CD99L2: variants seen among roughly 807,000 people sequenced by gnomAD.
CD99L2 encodes CD99 antigen-like protein 2.
A neutral mutation model predicts 27.3 loss-of-function variants in CD99L2; 24 were observed. That is an observed-to-expected ratio of 0.88 (90% confidence interval 0.64 to 1.24). The LOEUF (loss-of-function observed/expected upper bound fraction) is 1.24. Ranked by LOEUF, CD99L2 falls within the 50% of genes most tolerant of loss-of-function variation. CD99L2 has a pLI of 0.00. For missense variants in CD99L2, 255 were observed against 221.6 expected (o/e 1.15, Z -0.96); for synonymous variants, 97 against 87.9 (o/e 1.10, Z -0.58).
intron 1 of CD99L2, among the ~76,000 whole-genome samples, chrX:150,871,599 T>G (rs782540606): frequency 8.9e-6 from 1 of 111,973 alleles, no homozygotes; most frequent in Non-Finnish European, 1.9e-5. Flanking sequence ...AAGTTAAACA[T>G]CTTCACACCC....
rs190268781 is a variant in CD99L2, at chrX:150,876,446, A to C, written c.67+22076T>G. On this transcript the variant is annotated intron_variant, in intron 1 of 10. Transcript: ENST00000370377. ...ATAAATTAGGAATGAGAAAATAGTA[A>C]CTACTAATACAAAACAAATCAAAAT... 4.7e-3 allele frequency among the ~76,000 whole-genome samples: 527 copies of C among 112,633 alleles called. 3 individuals carry two copies. Among genetic ancestry groups the C allele is most frequent in the Non-Finnish European group, 6.9e-3 (367 of 53,335 alleles).
intron 6 of CD99L2, 31 bp from the exon 7 acceptor site, chrX:150,793,787 C>T (rs782050961): frequency 9.0e-7 from 1 of 1,106,534 alleles, no homozygotes; most frequent in Admixed American, 2.7e-5. Flanking sequence ...ATTTCAACAA[C>T]AAGAAAAAAA....
At chrX:150,861,677 C>T (rs1203216113) in intron 1 of CD99L2, among the ~76,000 whole-genome samples, 1 of 110,125 alleles carries the variant, frequency 9.1e-6, no homozygotes, top group African/African-American at 3.3e-5. Flanking sequence ...CTGAGGCAGG[C>T]GAATCACAAG....
intron 4 of CD99L2, among the ~76,000 whole-genome samples, chrX:150,808,779 G>A (rs1049269067): frequency 5.4e-5 from 6 of 111,462 alleles, no homozygotes; most frequent in Non-Finnish European, 9.4e-5. Flanking sequence ...GGGGTTTTAC[G>A]CCTTCCCTGA....
At chrX:150,792,497 G>A (rs1557419736) in intron 7 of CD99L2, among the ~76,000 whole-genome samples, 1 of 112,177 alleles carries the variant, frequency 8.9e-6, no homozygotes, top group African/African-American at 3.2e-5. Context: ...GTCTGGAAAG[G>A]TGTTTCGAAG....
At chrX:150,844,208 G>A (rs2046665602) in intron 1 of CD99L2, among the ~76,000 whole-genome samples, 1 of 112,357 alleles carries the variant, frequency 8.9e-6, no homozygotes, top group Non-Finnish European at 1.9e-5. Flanking sequence ...TGATGCAGCT[G>A]CTTGCAAAGA....
At position 150,845,627 on chromosome X, in the gene CD99L2, G is replaced by A. The variant is rs782408104; in HGVS notation, c.68-14334C>T. ...CCAAAGCCAGAAGATGCAAGGTCTC[G>A]TCCCAGACTGCCACTCACTGACTGG... On this transcript the variant is annotated intron_variant, in intron 1 of 10. Transcript: ENST00000370377. 3.8e-4 allele frequency among the ~76,000 whole-genome samples: 42 copies of A among 111,070 alleles called. 1 individual carries two copies. The highest frequency in any genetic ancestry group is 4.6e-3 in the Middle Eastern group (1 of 217).
chrX:150,848,140 C>T (rs2046732415), intron 1 of CD99L2, among the ~76,000 whole-genome samples: 1 of 104,152 alleles, frequency 9.6e-6, no homozygotes, highest in African/African-American at 3.5e-5. Context: ...ATACCTCTCA[C>T]AGTATTACAT....
At chrX:150,774,538 C>T (rs1557419202) in intron 9 of CD99L2, among the ~76,000 whole-genome samples, 1 of 111,961 alleles carries the variant, frequency 8.9e-6, no homozygotes, top group Non-Finnish European at 1.9e-5. Flanking sequence ...GGAGGGAGAG[C>T]CCACGGAGGA....
chrX:150,793,897 C>T (rs1360346687), intron 6 of CD99L2, 141 bp from the exon 7 acceptor site: 14 of 431,693 alleles, frequency 3.2e-5, no homozygotes, highest in East Asian at 8.2e-5. Flanking sequence ...AGAGGTCCCC[C>T]CAGACCCCCT....
At chrX:150,827,352 T>C (rs901000139) in intron 2 of CD99L2, among the ~76,000 whole-genome samples, 2 of 111,345 alleles carry the variant, frequency 1.8e-5, no homozygotes, top group Non-Finnish European at 3.8e-5. Context: ...TGGGCTGTCA[T>C]TCAAACACAT....
intron 4 of CD99L2, among the ~76,000 whole-genome samples, chrX:150,801,114 A>G (rs1196058565): frequency 1.8e-5 from 2 of 111,240 alleles, no homozygotes; most frequent in Non-Finnish European, 3.8e-5. Context: ...TCTACCAAAC[A>G]TTTAAAAAGG....
In CD99L2 at chrX:150,768,341, T is replaced by C. The variant is rs1436521623; in HGVS notation, c.*693A>G. On this transcript the variant is annotated 3_prime_UTR_variant, in exon 11 of 11. Transcript: ENST00000370377. Reference sequence around the variant, plus strand: ...AGGCCTACGAATTGCTTCATACTTATCCGGAAGATTCCTAAGCTCTCAAGG... The same window carrying C: ...AGGCCTACGAATTGCTTCATACTTACCCGGAAGATTCCTAAGCTCTCAAGG... 2 of 112,585 alleles carry C rather than the reference T, an allele frequency of 1.8e-5. No individual in the cohort carries two copies. The highest frequency in any genetic ancestry group is 6.5e-5 in the African/African-American group (2 of 30,912). The allele number at this position is 112,585 out of a possible 1,213,427, so 9.3% of individuals were successfully genotyped here. A position where few individuals can be genotyped will look rare whatever the true frequency, so the allele number is the denominator to read the frequency against.
chrX:150,788,560 G>T (rs1455212905), intron 7 of CD99L2, among the ~76,000 whole-genome samples: 1 of 111,558 alleles, frequency 9.0e-6, no homozygotes, highest in Non-Finnish European at 1.9e-5. Context: ...AGATACCAGG[G>T]AAGAGACTTC....
rs781890838 is a variant in CD99L2, at chrX:150,779,524, C to CA, written c.497-2043dup. On this transcript the variant is annotated intron_variant, in intron 7 of 10. Transcript: ENST00000370377. The stretch of plus-strand genomic sequence containing the variant: ...CTGCATGAACCTGAAGTCAGCCACA[C>CA]AGGCCACTGGAGTTAACCAAGCCGA... 3.6e-5 allele frequency among the ~76,000 whole-genome samples: 4 copies of CA among 112,498 alleles called. No individual in the cohort carries two copies. The East Asian group carries it at 1.1e-3, about 31-fold the overall frequency.
At chrX:150,826,296 T>C (rs2046366477) in intron 2 of CD99L2, among the ~76,000 whole-genome samples, 1 of 111,762 alleles carries the variant, frequency 8.9e-6, no homozygotes, top group Admixed American at 9.5e-5. Context: ...AATGGACTAA[T>C]ACAGGGCCCA....
At chrX:150,794,580 A>G (rs112096540) in intron 6 of CD99L2, among the ~76,000 whole-genome samples, 1,298 of 112,623 alleles carry the variant, frequency 0.012, 29 homozygotes, top group African/African-American at 0.04. Flanking sequence ...AAGTTCACTG[A>G]TAAGAGTTTC....
intron 2 of CD99L2, among the ~76,000 whole-genome samples, chrX:150,817,024 A>C (rs1182567734): frequency 6.2e-4 from 48 of 76,849 alleles, no homozygotes; most frequent in Admixed American, 2.1e-3. Context: ...AGGAAGGGGA[A>C]CATCACACTC....
intron 4 of CD99L2, among the ~76,000 whole-genome samples, chrX:150,797,325 T>C (rs1161935381): frequency 8.9e-6 from 1 of 112,270 alleles, no homozygotes; most frequent in Non-Finnish European, 1.9e-5. Flanking sequence ...ACACTGTAGA[T>C]CTTGTAACCA....
Sources: allele counts gnomAD v4.1 joint callset (sites outside exome capture counted in the v4.1 genomes callset), GRCh38; gene constraint gnomAD v4.1.1; transcripts MANE v1.5; gene names NCBI Gene and HGNC (gene_info 2026-07-23, HGNC 2026-07-21).